The following EPHB1 variants were observed in gnomAD, a reference collection of about 807,000 sequenced individuals.
EPHB1 encodes the protein EPH receptor B1, also known as ephrin type-B receptor 1.
A neutral mutation model predicts 94.4 loss-of-function variants in EPHB1; 30 were observed. The observed-to-expected ratio is 0.32, with a 90% CI of 0.24 to 0.43. EPHB1 has a LOEUF of 0.43. Among genes scored for constraint, EPHB1 ranks in the 20% least tolerant of loss-of-function variants. EPHB1 has a pLI of 1.00. For synonymous variants in EPHB1, 522 were observed against 489.1 expected (o/e 1.07, Z -0.89); for missense variants, 1,055 against 1,308.3 (o/e 0.81, Z 2.99).
chr3:134,964,846 A>G (rs1933667929), intron 3 of EPHB1, among the ~76,000 whole-genome samples: 1 of 152,232 alleles, frequency 6.6e-6, no homozygotes, highest in South Asian at 2.1e-4. Context: ...CATTTCATTG[A>G]TAGAATTTTA....
At chr3:134,987,447 T>C (rs1203131447) in intron 3 of EPHB1, among the ~76,000 whole-genome samples, 1 of 152,140 alleles carries the variant, frequency 6.6e-6, no homozygotes, top group Non-Finnish European at 1.5e-5. Context: ...GAGTGCTGTT[T>C]CTGTACATGC....
At chr3:135,108,363 G>A (rs556433259) in intron 4 of EPHB1, among the ~76,000 whole-genome samples, 55 of 152,340 alleles carry the variant, frequency 3.6e-4, no homozygotes, top group African/African-American at 1.3e-3. Context: ...CACACATGTA[G>A]TCATTGTATT....
chr3:134,960,024 C>G (rs1015896639), intron 3 of EPHB1, among the ~76,000 whole-genome samples: 1 of 116,222 alleles, frequency 8.6e-6, no homozygotes, highest in African/African-American at 3.2e-5. Flanking sequence ...GACGGAGACT[C>G]ACCACTTTTC....
At chr3:134,877,165 C>G (rs762959403) in intron 1 of EPHB1, among the ~76,000 whole-genome samples, 5 of 152,176 alleles carry the variant, frequency 3.3e-5, no homozygotes, top group African/African-American at 9.7e-5. Flanking sequence ...GATGAACACA[C>G]TGGTCCAAAT....
chr3:135,255,154 A>C (rs1190931072), intron 15 of EPHB1, among the ~76,000 whole-genome samples: 3 of 151,872 alleles, frequency 2.0e-5, no homozygotes, highest in Non-Finnish European at 4.4e-5. Context: ...TGATCCTTTC[A>C]AAAAACCAGC....
At chr3:134,944,981 C>G (rs1279900576) in intron 2 of EPHB1, among the ~76,000 whole-genome samples, 3 of 152,150 alleles carry the variant, frequency 2.0e-5, no homozygotes, top group Non-Finnish European at 4.4e-5. Context: ...CATAATGTGG[C>G]TAATTAACAA....
intron 3 of EPHB1, among the ~76,000 whole-genome samples, chr3:134,962,118 G>C (rs1415761803): frequency 6.6e-6 from 1 of 152,148 alleles, no homozygotes; most frequent in Admixed American, 6.5e-5. Flanking sequence ...GAGAGTTCCT[G>C]TTCCCTATAC....
chr3:135,054,664 T>G (rs1306137108), intron 3 of EPHB1, among the ~76,000 whole-genome samples: 3 of 152,220 alleles, frequency 2.0e-5, no homozygotes, highest in African/African-American at 7.2e-5. Context: ...TCATAGGATC[T>G]TCACAGATTT....
intron 1 of EPHB1, among the ~76,000 whole-genome samples, chr3:134,815,112 A>G (rs546257272): frequency 3.3e-5 from 5 of 152,352 alleles, no homozygotes; most frequent in African/African-American, 1.2e-4. Flanking sequence ...CAAACCCTAT[A>G]CTAAGAAATT....
At chr3:134,994,777 T>C (rs1412435567) in intron 3 of EPHB1, among the ~76,000 whole-genome samples, 1 of 152,256 alleles carries the variant, frequency 6.6e-6, no homozygotes, top group Non-Finnish European at 1.5e-5. Context: ...CATATTTTAA[T>C]GTTTCATTAT....
chr3:134,933,194 C>G (rs916685867), intron 2 of EPHB1, among the ~76,000 whole-genome samples: 8 of 152,154 alleles, frequency 5.3e-5, no homozygotes, highest in African/African-American at 1.9e-4. Flanking sequence ...TCTCCTCTCT[C>G]TACTCCCACA....
chr3:135,127,572 G>A (rs754446177), intron 4 of EPHB1, among the ~76,000 whole-genome samples: 11 of 152,110 alleles, frequency 7.2e-5, no homozygotes, highest in Non-Finnish European at 1.6e-4. Context: ...GAGACCAGAA[G>A]GTTAGCCTTA....
At chr3:135,108,026 TC>T (rs1939288753) in intron 4 of EPHB1, among the ~76,000 whole-genome samples, 1 of 152,170 alleles carries the variant, frequency 6.6e-6, no homozygotes, top group Non-Finnish European at 1.5e-5. Context: ...GAATCACTGC[TC>T]CCTGGATGTT....
intron 1 of EPHB1, among the ~76,000 whole-genome samples, chr3:134,826,809 A>G (rs2036488197): frequency 6.6e-6 from 1 of 152,150 alleles, no homozygotes; most frequent in Non-Finnish European, 1.5e-5. Context: ...TTGTAGGGGG[A>G]AAGGCCAGGG....
intron 3 of EPHB1, among the ~76,000 whole-genome samples, chr3:135,104,105 C>T (rs1280718899): frequency 6.6e-6 from 1 of 152,214 alleles, no homozygotes; most frequent in Non-Finnish European, 1.5e-5. Context: ...ATCACCTCTA[C>T]CCCTCCCCCA....
chr3:135,173,270 G>A (rs575393954), intron 9 of EPHB1, among the ~76,000 whole-genome samples: 46 of 152,060 alleles, frequency 3.0e-4, no homozygotes, highest in Non-Finnish European at 4.9e-4. Context: ...TCCTGACCTC[G>A]TGATCCGCCC....
chr3:134,949,131 T>A (rs11707539), intron 2 of EPHB1, among the ~76,000 whole-genome samples: 75,171 of 151,466 alleles, frequency 0.5, 19,487 homozygotes, highest in African/African-American at 0.64. Context: ...TTTGGCCTGG[T>A]GCTGAGACTA....
At chr3:134,812,866 G>A (rs2036201790) in intron 1 of EPHB1, among the ~76,000 whole-genome samples, 1 of 152,090 alleles carries the variant, frequency 6.6e-6, no homozygotes, top group Non-Finnish European at 1.5e-5. Context: ...TCTTTCATGT[G>A]TTTATTAGCC....
intron 1 of EPHB1, among the ~76,000 whole-genome samples, chr3:134,878,878 T>G (rs1479394755): frequency 3.9e-5 from 6 of 152,164 alleles, no homozygotes; most frequent in Admixed American, 2.0e-4. Flanking sequence ...GGACAACTTT[T>G]GATGAAAAAA....
Sources: gnomAD v4.1 joint callset for allele counts (sites outside exome capture counted in the v4.1 genomes callset) on GRCh38, gnomAD v4.1.1 for gene constraint, MANE v1.5 for transcripts, NCBI Gene and HGNC (gene_info 2026-07-23, HGNC 2026-07-21) for gene names.